CSTF1: variants seen among roughly 807,000 people sequenced by gnomAD.
The protein encoded by CSTF1 is cleavage stimulation factor subunit 1.
A neutral mutation model predicts 40.9 loss-of-function variants in CSTF1; 2 were observed. The ratio of observed to expected loss-of-function variants is 0.05; its 90% confidence interval spans 0.02 to 0.15. The LOEUF (loss-of-function observed/expected upper bound fraction) is 0.15. Ranked by LOEUF, CSTF1 falls within the 10% of genes least tolerant of loss-of-function variation. CSTF1 has a pLI of 1.00. For missense variants in CSTF1, 279 were observed against 558.9 expected, an observed-to-expected ratio of 0.50 and a Z score of 5.05; for synonymous variants, 218 against 207.2, an observed-to-expected ratio of 1.05 and a Z score of -0.45.
Position 56,403,531 on chromosome 20 carries a change from A to G in CSTF1, c.1100A>G (p.Tyr367Cys), listed in dbSNP as rs935657890. Residue 367 changes from tyrosine to cysteine, a missense_variant, in exon 6 of 6, where the codon TAT becomes TGT. Transcript: ENST00000217109. Reference sequence around the variant, plus strand: ...GCTGTGTTTAACCACACCGAGGACTATGTGTTGCTGCCCGACGAGAGGACG... The same window carrying G: ...GCTGTGTTTAACCACACCGAGGACTGTGTGTTGCTGCCCGACGAGAGGACG... ...TQAVFNHTED[Y>C]VLLPDERTIS... 2 of 1,614,118 alleles carry G rather than the reference A, an allele frequency of 1.2e-6. No individual in the cohort carries two copies. The highest frequency in any genetic ancestry group is 1.7e-6 in the Non-Finnish European group (2 of 1,180,020).
At chr20:56,401,595 C>T (rs574825684) in intron 5 of CSTF1, among the ~76,000 whole-genome samples, 35 of 152,140 alleles carry the variant, frequency 2.3e-4, no homozygotes, top group Non-Finnish European at 5.0e-4. Flanking sequence ...TGCACATGCC[C>T]ATAAAAGGAT....
chr20:56,398,981 A>G lies in CSTF1; in HGVS notation c.660A>G (p.Leu220=). The stretch of plus-strand genomic sequence containing the variant: ...TGTCCCAACAGGAAGCTGAAATGTT[A>G]CGTTCCATCTCTTTTCATCCTTCTG... ...AFKYIQEAEM[L]RSISFHPSGD... is the part of the protein sequence containing the mutation. Residue 220 remains leucine, a synonymous_variant, in exon 5 of 6, where the codon TTA becomes TTG. Coordinates refer to ENST00000217109, the MANE Select transcript of CSTF1 (RefSeq NM_001324.3). 1 of 1,608,120 alleles carries G rather than the reference A, an allele frequency of 6.2e-7. No individual in the cohort carries two copies. The highest frequency in any genetic ancestry group is 8.5e-7 in the Non-Finnish European group (1 of 1,176,266).
At position 56,404,167 on chromosome 20, in the gene CSTF1, G is replaced by A. The variant is rs1978603411; in HGVS notation, c.*440G>A. 1 of 155,722 alleles carries A rather than the reference G, an allele frequency of 6.4e-6. No homozygotes were observed. The highest frequency in any genetic ancestry group is 2.4e-5 in the African/African-American group (1 of 41,492). The allele number at this position is 155,722 out of a possible 1,614,324, so 9.6% of individuals were successfully genotyped here. The stretch of plus-strand genomic sequence containing the variant: ...AGGCATGCAGCTCTGAGACTCCTGA[G>A]TTTTATGCCATTATCAAAAGCATTT... On this transcript the variant is annotated 3_prime_UTR_variant, in exon 6 of 6. Transcript: ENST00000217109.
At chr20:56,393,605 A>G (rs1268457107) in intron 1 of CSTF1, among the ~76,000 whole-genome samples, 1 of 131,724 alleles carries the variant, frequency 7.6e-6, no homozygotes, top group Non-Finnish European at 1.5e-5. Context: ...ATTAAAGCCT[A>G]CATGGCATCC....
chr20:56,400,913 C>T (rs1269713841), intron 5 of CSTF1, among the ~76,000 whole-genome samples: 2 of 152,078 alleles, frequency 1.3e-5, no homozygotes, highest in African/African-American at 4.8e-5. Context: ...GTGGCGGGCG[C>T]CTGTAGTCCC....
intron 1 of CSTF1, among the ~76,000 whole-genome samples, chr20:56,393,869 A>G (rs890078805): frequency 6.6e-6 from 1 of 152,186 alleles, no homozygotes; most frequent in African/African-American, 2.4e-5. Flanking sequence ...AGGAAAGCAC[A>G]GGGAAAGCCT....
intron 5 of CSTF1, among the ~76,000 whole-genome samples, chr20:56,402,178 AT>A (rs747180368): frequency 2.0e-5 from 3 of 152,120 alleles, no homozygotes; most frequent in Non-Finnish European, 4.4e-5. Context: ...GTGGTGGCAC[AT>A]GCCTGTAATC....
In CSTF1 at chr20:56,405,939, T is replaced by TGACC. The variant is rs1301942357; in HGVS notation, c.*2213_*2216dup. 1 of 152,236 alleles carries TGACC rather than the reference T, an allele frequency of 6.6e-6. No individual in the cohort carries two copies. The highest frequency in any genetic ancestry group is 2.4e-5 in the African/African-American group (1 of 41,468). 9.4% of individuals were successfully genotyped at this position (152,236 alleles called of 1,614,324 possible). ...TTCTGCTTTGACTCACATACTAAAA[T>TGACC]GACCACATGGCACTCCATTGAATCT... On this transcript the variant is annotated 3_prime_UTR_variant, in exon 6 of 6. Coordinates refer to ENST00000217109, the MANE Select transcript of CSTF1 (RefSeq NM_001324.3).
At position 56,397,380 on chromosome 20, in the gene CSTF1, A is replaced by G. The variant is rs780923152; in HGVS notation, c.343A>G (p.Thr115Ala). Residue 115 changes from threonine (T) to alanine (A), a missense_variant, in exon 3 of 6, where the codon ACC becomes GCC. Coordinates refer to ENST00000217109, the MANE Select transcript of CSTF1 (RefSeq NM_001324.3). The surrounding 1 kb of genome is among the most constrained non-coding windows in gnomAD (Gnocchi z 4.4). Reference sequence around the variant, plus strand: ...ACATAAAGGACCATGCCGTGTAGCTACCTATAGTAGAGATGGACAGTTAAT... The same window carrying G: ...ACATAAAGGACCATGCCGTGTAGCTGCCTATAGTAGAGATGGACAGTTAAT... The part of the protein sequence containing the change: ...TSHKGPCRVA[T>A]YSRDGQLIAT... The G allele has an allele frequency of 6.2e-7, 1 of 1,614,190 alleles. No homozygotes were observed. The highest frequency in any genetic ancestry group is 8.5e-7 in the Non-Finnish European group (1 of 1,180,018).
Position 56,404,999 on chromosome 20 carries a change from C to T in CSTF1, c.*1272C>T, listed in dbSNP as rs1469183962. 6.6e-6 allele frequency: 1 copy of T among 151,284 alleles called. No homozygotes were observed. The highest frequency in any genetic ancestry group is 1.5e-5 in the Non-Finnish European group (1 of 67,888). 9.4% of individuals were successfully genotyped at this position (151,284 alleles called of 1,614,324 possible). On this transcript the variant is annotated 3_prime_UTR_variant, in exon 6 of 6. Coordinates refer to ENST00000217109, the MANE Select transcript of CSTF1 (RefSeq NM_001324.3). ...CTTTTTAGAACATGACAGTACTTCT[C>T]TGGATTCAGCACTAGCAGAGTCAGA...
chr20:56,392,463 G>A (rs1403643676), upstream of CSTF1: 2 of 152,322 alleles, frequency 1.3e-5, no homozygotes, highest in Non-Finnish European at 1.5e-5. Flanking sequence ...TATCGGTGAA[G>A]CAACAGCCCC....
intron 4 of CSTF1, among the ~76,000 whole-genome samples, chr20:56,398,672 G>A (rs1233646273): frequency 6.6e-6 from 1 of 152,210 alleles, no homozygotes; most frequent in Admixed American, 6.5e-5. Flanking sequence ...AACCATGCAT[G>A]AATGTGTCAT....
chr20:56,395,824 A>G (rs1486125375), intron 2 of CSTF1, 103 bp downstream of exon 2: 21 of 1,249,088 alleles, frequency 1.7e-5, no homozygotes, highest in African/African-American at 3.0e-5. Flanking sequence ...AGTACCTAGT[A>G]TGAGCCGGGT....
In CSTF1 at chr20:56,399,171, G is replaced by A. The variant is rs367595219; in HGVS notation, c.850G>A (p.Gly284Ser). Residue 284 changes from glycine to serine, a missense_variant, in exon 5 of 6, where the codon GGC becomes AGC. Around this residue, in one of 4 missense-constraint regions of CSTF1, gnomAD observed 162 missense variants for 337.1 expected, o/e 0.48. Coordinates refer to ENST00000217109, the MANE Select transcript of CSTF1 (RefSeq NM_001324.3). This position sits in a 1 kb window ranked among gnomAD's most constrained non-coding sequence, Gnocchi z 4.6. ...ANMYVTGSKD[G>S]CIKLWDGVSN... ...TATGTACGTAACTGGAAGCAAGGAC[G>A]GCTGCATCAAATTATGGGATGGTGT... The A allele has an allele frequency of 1.2e-5, 19 of 1,614,030 alleles. No homozygotes were observed. Among genetic ancestry groups the A allele is most frequent in the African/African-American group, 4.0e-5 (3 of 74,910 alleles).
chr20:56,400,504 T>C (rs889535142), intron 5 of CSTF1, among the ~76,000 whole-genome samples: 4 of 152,214 alleles, frequency 2.6e-5, no homozygotes, highest in African/African-American at 9.7e-5. Flanking sequence ...GTGTGCTGTA[T>C]CTGGACAGAT....
rs190240313 is a variant in CSTF1 at position 56,403,944 on chromosome 20, T to C, written c.*217T>C. The C allele has an allele frequency of 1.6e-4, 80 of 512,630 alleles. No individual in the cohort carries two copies. The East Asian group carries it at 2.3e-3, about 15-fold the overall frequency. 31.8% of individuals were successfully genotyped at this position (512,630 alleles called of 1,614,324 possible). On this transcript the variant is annotated 3_prime_UTR_variant, in exon 6 of 6. Transcript: ENST00000217109. ...CAGATCTGTGCAGTTCTACATTCAC[T>C]GATTATTACAGTGTGATTTTCATCG...
Position 56,397,193 on chromosome 20 carries a change from T to G in CSTF1, c.170-14T>G. ...CACTTGTTTTGTTACGCCCTTAATT[T>G]TGATTTCTTTCAGGAATGGAAAACG... is the stretch of plus-strand genomic sequence containing the variant. On this transcript the variant is annotated splice_polypyrimidine_tract_variant and intron_variant, in intron 2 of 5. Coordinates refer to ENST00000217109, the MANE Select transcript of CSTF1 (RefSeq NM_001324.3). The surrounding 1 kb of genome is among the most constrained non-coding windows in gnomAD (Gnocchi z 4.4). 6.2e-7 allele frequency: 1 copy of G among 1,602,556 alleles called. No individual in the cohort carries two copies. The highest frequency in any genetic ancestry group is 1.1e-5 in the South Asian group (1 of 89,788).
intron 5 of CSTF1, among the ~76,000 whole-genome samples, chr20:56,402,321 AAGAG>A (rs1421804439): frequency 1.4e-5 from 2 of 145,150 alleles, no homozygotes; most frequent in Non-Finnish European, 3.1e-5. Flanking sequence ...AAAAAAAAAA[AAGAG>A]AGAATTTACA....
Position 56,395,661 on chromosome 20 carries a change from G to C in CSTF1, c.109G>C (p.Glu37Gln). 6.2e-7 allele frequency: 1 copy of C among 1,614,140 alleles called. No individual in the cohort carries two copies. Among genetic ancestry groups the C allele is most frequent in the Non-Finnish European group, 8.5e-7 (1 of 1,180,038 alleles). Residue 37 changes from glutamate (E) to glutamine (Q), a missense_variant, in exon 2 of 6, where the codon GAA becomes CAA. By Grantham distance (29) the Glu-to-Gln change is conservative (BLOSUM62 2). Around this residue, in one of 4 missense-constraint regions of CSTF1, gnomAD observed 51 missense variants for 55.0 expected, o/e 0.93. Coordinates refer to ENST00000217109, the MANE Select transcript of CSTF1 (RefSeq NM_001324.3). Reference sequence around the variant, plus strand: ...CAGCATCGCCAATGGCCTCATCAATGAAATCAAGCCTCAGTCTGTGTGTGC... The same window carrying C: ...CAGCATCGCCAATGGCCTCATCAATCAAATCAAGCCTCAGTCTGTGTGTGC... ...YISIANGLIN[E>Q]IKPQSVCAPS... is the part of the protein sequence containing the mutation.
Sources: gnomAD v4.1 joint callset for allele counts (sites outside exome capture counted in the v4.1 genomes callset) on GRCh38, gnomAD v4.1.1 for gene constraint, gnomAD v4.1.1 regional missense constraint, Gnocchi (gnomAD v3.1) non-coding constraint, MANE v1.5 for transcripts, NCBI Gene and HGNC (gene_info 2026-07-23, HGNC 2026-07-21) for gene names.